LSS: variants seen among roughly 807,000 people sequenced by gnomAD.
LSS encodes 2,3-epoxysqualene-lanosterol cyclase.
LSS carries 90 observed loss-of-function variants against 110.3 expected under a neutral mutation model. The observed-to-expected ratio is 0.82, with a 90% CI of 0.69 to 0.97. The LOEUF is 0.97. LSS is among the 50% of genes least tolerant of loss of function. LSS has a pLI of 0.00. For missense variants in LSS, 927 were observed against 990.0 expected, an observed-to-expected ratio of 0.94 and a Z score of 0.85; for synonymous variants, 433 against 400.0, an observed-to-expected ratio of 1.08 and a Z score of -0.98.
chr21:46,219,909 G>A (rs1389932935), intron 5 of LSS, among the ~76,000 whole-genome samples: 1 of 152,222 alleles, frequency 6.6e-6, no homozygotes, highest in African/African-American at 2.4e-5. Flanking sequence ...TCAGGTGAGC[G>A]AGGGGCCCAG....
At position 46,227,582 on chromosome 21, in the gene LSS, C is replaced by G. The variant is rs1337462485; in HGVS notation, c.289G>C (p.Asp97His). 2 of 1,613,994 alleles carry G rather than the reference C, an allele frequency of 1.2e-6. No individual in the cohort carries two copies. Among genetic ancestry groups the G allele is most frequent in the South Asian group, 2.2e-5 (2 of 91,086 alleles). ...LQAEDGHWTGDYGGPLFLLPG... is the reference protein window; with the variant it reads ...LQAEDGHWTGHYGGPLFLLPG... Reference sequence around the variant, plus strand: ...AGGAGGAAAAGTGGGCCACCATAATCACCCGTCCAGTGCCCATCCTCAGCC... The same window carrying G: ...AGGAGGAAAAGTGGGCCACCATAATGACCCGTCCAGTGCCCATCCTCAGCC... Residue 97 changes from aspartate to histidine, a missense_variant, in exon 3 of 22, where the codon GAT becomes CAT. Transcript: ENST00000397728.
intron 17 of LSS, among the ~76,000 whole-genome samples, chr21:46,203,003 C>G (rs941680260): frequency 3.9e-5 from 6 of 152,226 alleles, no homozygotes; most frequent in African/African-American, 1.2e-4. Context: ...TACACAGTGA[C>G]AACAACTGAC....
Position 46,205,845 on chromosome 21 carries a change from G to C in LSS, c.1661C>G (p.Ala554Gly), listed in dbSNP as rs763701401. 1 of 1,604,286 alleles carries C rather than the reference G, an allele frequency of 6.2e-7. No individual in the cohort carries two copies. The highest frequency in any genetic ancestry group is 8.5e-7 in the Non-Finnish European group (1 of 1,175,524). ...CTGAGACCCTCCTTACCGGATCTCC[G>C]CTGCCCTGTGCTCCGGGAAACGCTT... ...FHKRFPEHRA[A>G]EIRETLTQGL... is the part of the protein sequence containing the mutation. Residue 554 changes from alanine (A) to glycine (G), a missense_variant, in exon 17 of 22, where the codon GCG (alanine) becomes GGG (glycine). Transcript: ENST00000397728.
At chr21:46,225,121 A>T in intron 3 of LSS, 1 of 175,970 alleles carries the variant, frequency 5.7e-6, no homozygotes, top group Non-Finnish European at 1.2e-5. Flanking sequence ...GATCTAGATC[A>T]TACATATGAT....
intron 17 of LSS, among the ~76,000 whole-genome samples, chr21:46,203,707 G>A (rs1402220293): frequency 1.3e-5 from 2 of 152,204 alleles, no homozygotes; most frequent in Non-Finnish European, 1.5e-5. Flanking sequence ...TGCCCTCCTA[G>A]CTGCACCTGT....
intron 15 of LSS, among the ~76,000 whole-genome samples, chr21:46,207,199 G>A (rs571220162): frequency 2.0e-5 from 3 of 152,352 alleles, no homozygotes; most frequent in African/African-American, 7.2e-5. Context: ...ATCGGTGGCT[G>A]GGCTGGACAC....
intron 11 of LSS, among the ~76,000 whole-genome samples, chr21:46,212,735 T>A (rs967241094): frequency 1.3e-5 from 2 of 152,168 alleles, no homozygotes; most frequent in African/African-American, 4.8e-5. Flanking sequence ...AGTAACAAGA[T>A]GAGAGCTTCT....
At position 46,189,619 on chromosome 21, in the gene LSS, C is replaced by A; in HGVS notation, c.*1485G>T. On this transcript the variant is annotated 3_prime_UTR_variant, in exon 22 of 22. Transcript: ENST00000397728. ...ACTGCACACCAAGGCAGAGGGGTGC[C>A]CCTGAAGGACTCTGGGCAGGCAATG... The A allele has an allele frequency of 2.2e-6, 1 of 454,778 alleles. No homozygotes were observed. Among genetic ancestry groups the A allele is most frequent in the South Asian group, 1.6e-5 (1 of 64,452 alleles). 28.2% of individuals were successfully genotyped at this position (454,778 alleles called of 1,614,324 possible).
chr21:46,195,549 G>A lies in LSS; in HGVS notation c.1817+127C>T, dbSNP rs1601414488. 7 of 901,388 alleles carry A rather than the reference G, an allele frequency of 7.8e-6. No homozygotes were observed. In the East Asian group the frequency reaches 9.8e-5, roughly 13 times the overall value. The allele number at this position is 901,388 out of a possible 1,614,324, so 55.8% of individuals were successfully genotyped here. On this transcript the variant is annotated intron_variant, in intron 19 of 21. Coordinates refer to ENST00000397728, the MANE Select transcript of LSS (RefSeq NM_002340.6). ...TGCATGTCAGCCCGGTTGACAGAGC[G>A]AGACTCCGTCTCAAAAACAAACAAA...
At chr21:46,223,525 G>A (rs1244437776) in intron 3 of LSS, among the ~76,000 whole-genome samples, 1 of 152,232 alleles carries the variant, frequency 6.6e-6, no homozygotes, top group Non-Finnish European at 1.5e-5. Flanking sequence ...AAGCCACCCA[G>A]GCGCCAAGGC....
At chr21:46,210,769 G>A in intron 11 of LSS, 25 bp from the exon 12 acceptor site, 1 of 1,609,586 alleles carries the variant, frequency 6.2e-7, no homozygotes, top group Non-Finnish European at 8.5e-7. Context: ...TGGTGTTACA[G>A]CAGCAGATGC....
chr21:46,194,952 C>T (rs1013110582), intron 19 of LSS, among the ~76,000 whole-genome samples: 3 of 152,218 alleles, frequency 2.0e-5, no homozygotes, highest in African/African-American at 7.2e-5. Flanking sequence ...TTGGGAGCAG[C>T]GTCTCACAAG....
intron 3 of LSS, among the ~76,000 whole-genome samples, chr21:46,224,008 G>A (rs1410652118): frequency 1.3e-5 from 2 of 152,146 alleles, no homozygotes; most frequent in Non-Finnish European, 2.9e-5. Flanking sequence ...AGTCAGACCT[G>A]CCCGCAGTTA....
chr21:46,193,930 G>T (rs1009579092), intron 20 of LSS, among the ~76,000 whole-genome samples: 1 of 151,986 alleles, frequency 6.6e-6, no homozygotes, highest in African/African-American at 2.4e-5. Context: ...TGCTGTGGGT[G>T]CATCTGTATG....
chr21:46,196,113 T>C (rs935349094), intron 18 of LSS, 89 bp downstream of exon 18: 5 of 1,339,864 alleles, frequency 3.7e-6, no homozygotes, highest in South Asian at 3.6e-5. Context: ...AGCAACAACA[T>C]ACAAGCCAAC....
At chr21:46,227,986 A>G (rs1601456664) in intron 2 of LSS, among the ~76,000 whole-genome samples, 1 of 152,208 alleles carries the variant, frequency 6.6e-6, no homozygotes, top group East Asian at 1.9e-4. Flanking sequence ...ACGGGTGCCG[A>G]CCTGGGCCTG....
chr21:46,221,683 A>G, intron 5 of LSS, 171 bp downstream of exon 5: 1 of 952,258 alleles, frequency 1.1e-6, no homozygotes, highest in Non-Finnish European at 1.5e-6. Flanking sequence ...TTTTTAAAAA[A>G]TGATGCCTAG....
At chr21:46,201,756 C>T (rs1304524818) in intron 17 of LSS, among the ~76,000 whole-genome samples, 1 of 151,772 alleles carries the variant, frequency 6.6e-6, no homozygotes, top group Non-Finnish European at 1.5e-5. Context: ...AAGTAACTTG[C>T]AACTCCAAAC....
intron 2 of LSS, 148 bp from the exon 3 acceptor site, chr21:46,227,838 C>G: frequency 4.5e-6 from 4 of 890,488 alleles, no homozygotes; most frequent in Non-Finnish European, 6.8e-6. Context: ...GTCTGAAACT[C>G]TTTGATGAGA....
Sources: gnomAD v4.1 joint callset for allele counts (sites outside exome capture counted in the v4.1 genomes callset) on GRCh38, gnomAD v4.1.1 for gene constraint, MANE v1.5 for transcripts, NCBI Gene and HGNC (gene_info 2026-07-23, HGNC 2026-07-21) for gene names.